Variants in CCDC7 observed in about 807,000 individuals in gnomAD.
The protein encoded by CCDC7 is coiled-coil domain containing 7.
A neutral mutation model predicts 196.9 loss-of-function variants in CCDC7; 183 were observed. The observed-to-expected ratio is 0.93, with a 90% CI of 0.82 to 1.05. The LOEUF (loss-of-function observed/expected upper bound fraction) is 1.05, where lower values mean the gene tolerates loss of function less well. Ranked by LOEUF, CCDC7 falls within the 50% of genes least tolerant of loss-of-function variation. The pLI is 0.00. For missense variants in CCDC7, 1,540 were observed against 1,482.2 expected (o/e 1.04, Z -0.64); for synonymous variants, 525 against 484.6 (o/e 1.08, Z -1.10).
chr10:32,830,016 T>G (rs1390984523), intron 32 of CCDC7, among the ~76,000 whole-genome samples: 2 of 150,148 alleles, frequency 1.3e-5, no homozygotes, highest in Admixed American at 1.3e-4. Flanking sequence ...TGACTGGCTC[T>G]CCTTGTTCCT....
intron 20 of CCDC7, among the ~76,000 whole-genome samples, chr10:32,643,026 G>T (rs955828): frequency 0.92 from 140,656 of 152,272 alleles, 65,943 homozygotes; most frequent in East Asian, 1. Context: ...GTAGAAACAT[G>T]CATTAAATTG....
At chr10:32,472,346 A>G in intron 6 of CCDC7, 135 bp from the exon 8 acceptor site, 1 of 759,818 alleles carries the variant, frequency 1.3e-6, no homozygotes, top group Non-Finnish European at 1.8e-6. Flanking sequence ...GTCTGTGAGT[A>G]AAGATTAAAG....
At chr10:32,530,122 T>G (rs1303475204) in intron 11 of CCDC7, among the ~76,000 whole-genome samples, 1 of 152,208 alleles carries the variant, frequency 6.6e-6, no homozygotes, top group African/African-American at 2.4e-5. Flanking sequence ...TTTGTACTGG[T>G]GGTCTATATG....
At chr10:32,771,566 A>G (rs2079160842) in intron 28 of CCDC7, among the ~76,000 whole-genome samples, 1 of 152,172 alleles carries the variant, frequency 6.6e-6, no homozygotes, top group South Asian at 2.1e-4. Flanking sequence ...GATTTCTTCT[A>G]ACTGCCCAGT....
intron 18 of CCDC7, among the ~76,000 whole-genome samples, chr10:32,606,988 C>A (rs1449277144): frequency 6.6e-6 from 1 of 152,136 alleles, no homozygotes; most frequent in South Asian, 2.1e-4. Flanking sequence ...CATGTTGAAA[C>A]GTAAACCCCA....
chr10:32,875,721 ATT>A (rs777429316), intron 41 of CCDC7, among the ~76,000 whole-genome samples: 2 of 152,000 alleles, frequency 1.3e-5, no homozygotes, highest in Non-Finnish European at 2.9e-5. Flanking sequence ...ATCAAGAGAT[ATT>A]TTATGACTCC....
chr10:32,676,294 C>T (rs1388935710), intron 21 of CCDC7, among the ~76,000 whole-genome samples: 2 of 151,352 alleles, frequency 1.3e-5, no homozygotes, highest in Non-Finnish European at 2.9e-5. Context: ...CAATACCATT[C>T]AGGACATAGG....
chr10:32,732,553 T>C (rs929673015), intron 28 of CCDC7, among the ~76,000 whole-genome samples: 1 of 152,192 alleles, frequency 6.6e-6, no homozygotes, highest in South Asian at 2.1e-4. Context: ...TATCTCTTTG[T>C]AGTTCTGCCA....
chr10:32,708,974 T>C (rs2080311033), intron 24 of CCDC7, among the ~76,000 whole-genome samples: 1 of 152,228 alleles, frequency 6.6e-6, no homozygotes, highest in African/African-American at 2.4e-5. Context: ...TTACTGGGTA[T>C]ATACCCAAAG....
intron 9 of CCDC7, among the ~76,000 whole-genome samples, chr10:32,510,008 A>G (rs1388463578): frequency 1.3e-5 from 2 of 152,196 alleles, no homozygotes; most frequent in Admixed American, 6.5e-5. Flanking sequence ...GAACTACCAT[A>G]TGACCCATAA....
chr10:32,831,546 A>G (rs1050700550), intron 32 of CCDC7, among the ~76,000 whole-genome samples: 6 of 152,122 alleles, frequency 3.9e-5, no homozygotes, highest in African/African-American at 1.4e-4. Flanking sequence ...GTACAAAAAT[A>G]TTTTCTTTTT....
At position 32,569,219 on chromosome 10, in the gene CCDC7, T is replaced by C. The variant is rs1022967078; in HGVS notation, c.1419+1328T>C. Among the ~76,000 whole-genome samples, 9 of 152,230 alleles carry C rather than the reference T, an allele frequency of 5.9e-5. No homozygotes were observed. The East Asian group carries it at 1.7e-3, about 29-fold the overall frequency. ...AAGATGATGTATATAATGTCATGTA[T>C]TCAGCTGGCTTGTTCTGGTAATAGT... On this transcript the variant is annotated intron_variant, in intron 15 of 41. Coordinates refer to ENST00000639629, the Ensembl canonical transcript of CCDC7.
chr10:32,752,196 C>G (rs1010928439), intron 28 of CCDC7, among the ~76,000 whole-genome samples: 7 of 152,036 alleles, frequency 4.6e-5, no homozygotes, highest in Non-Finnish European at 7.4e-5. Flanking sequence ...ATGGAATAAG[C>G]ACTAATGTAG....
rs139796617 is a variant in CCDC7, at chr10:32,466,159, A to G, written c.510+3110A>G. Among the ~76,000 whole-genome samples, 904 of 152,204 alleles carry G rather than the reference A, an allele frequency of 5.9e-3. 9 individuals are homozygous for G. Among genetic ancestry groups the G allele is most frequent in the African/African-American group, 0.021 (862 of 41,542 alleles). On this transcript the variant is annotated intron_variant, in intron 5 of 41. Transcript: ENST00000639629. The stretch of plus-strand genomic sequence containing the variant: ...TTCAAGTTTTTCAATGTTTAAACCC[A>G]TAATTACTTATCTTTAATATTTTAT...
chr10:32,793,886 C>A (rs375127693), intron 29 of CCDC7, among the ~76,000 whole-genome samples: 4 of 152,124 alleles, frequency 2.6e-5, no homozygotes, highest in African/African-American at 9.7e-5. Context: ...TATTCTACAG[C>A]AGTTGTGTGA....
chr10:32,520,351 C>T (rs1460070527), intron 11 of CCDC7, among the ~76,000 whole-genome samples: 1 of 152,044 alleles, frequency 6.6e-6, no homozygotes, highest in Non-Finnish European at 1.5e-5. Context: ...TATGAGGGTT[C>T]CCTTTTCTCC....
chr10:32,491,351 G>A (rs61515216), intron 8 of CCDC7, among the ~76,000 whole-genome samples: 7,753 of 152,168 alleles, frequency 0.051, 645 homozygotes, highest in African/African-American at 0.17. Flanking sequence ...GAAGAGTCTT[G>A]TGGTATTACC....
chr10:32,552,472 T>A (rs2053629205), intron 13 of CCDC7, among the ~76,000 whole-genome samples: 1 of 152,206 alleles, frequency 6.6e-6, no homozygotes, highest in Non-Finnish European at 1.5e-5. Context: ...TTATTTGTTT[T>A]TTGCTTTTGC....
Position 32,720,124 on chromosome 10 carries a change from A to G in CCDC7, c.2570-6610A>G, listed in dbSNP as rs201110868. On this transcript the variant is annotated intron_variant, in intron 25 of 41. Coordinates refer to ENST00000639629, the Ensembl canonical transcript of CCDC7. ...TTATTGCAGCACTATTCACAATAGCAAAGACTTGGAACCAACCCAAATGCC... is the reference window on the plus strand; with the variant it reads ...TTATTGCAGCACTATTCACAATAGCGAAGACTTGGAACCAACCCAAATGCC... Among the ~76,000 whole-genome samples the G allele has an allele frequency of 2.4e-4, 37 of 152,318 alleles. No individual in the cohort carries two copies. In the East Asian group the frequency reaches 6.9e-3, roughly 29 times the overall value.
Sources: gnomAD v4.1 joint callset for allele counts (sites outside exome capture counted in the v4.1 genomes callset) on GRCh38, gnomAD v4.1.1 for gene constraint, MANE v1.5 for transcripts, NCBI Gene and HGNC (gene_info 2026-07-23, HGNC 2026-07-21) for gene names.